The following CLEC19A variants were observed in gnomAD, a reference collection of about 807,000 sequenced individuals.
CLEC19A encodes C-type lectin domain containing 19A, also known as C-type lectin domain family 19 member A.
A neutral mutation model predicts 26.1 loss-of-function variants in CLEC19A; 21 were observed. The ratio of observed to expected loss-of-function variants is 0.80; its 90% CI spans 0.57 to 1.16. The LOEUF is 1.16. Ranked by LOEUF, CLEC19A falls within the 50% of genes most tolerant of loss-of-function variation. CLEC19A has a pLI of 0.00. For synonymous variants in CLEC19A, 89 were observed against 88.6 expected (o/e 1.00, Z -0.03); for missense variants, 224 against 227.6 (o/e 0.98, Z 0.10).
At chr16:19,292,503 G>A (rs1897612014) in intron 1 of CLEC19A, among the ~76,000 whole-genome samples, 1 of 152,194 alleles carries the variant, frequency 6.6e-6, no homozygotes. Context: ...TTCCCAAGAG[G>A]CTGCCCTCAA....
chr16:19,292,006 G>A (rs1448066964), intron 1 of CLEC19A, among the ~76,000 whole-genome samples: 1 of 152,228 alleles, frequency 6.6e-6, no homozygotes, highest in Non-Finnish European at 1.5e-5. Flanking sequence ...TCTGGGAGGA[G>A]CAGACAGGGT....
At chr16:19,285,965 G>T in intron 1 of CLEC19A, 26 bp downstream of exon 1, 2 of 1,545,336 alleles carry the variant, frequency 1.3e-6, no homozygotes, top group Non-Finnish European at 1.8e-6. Flanking sequence ...AGGGCTGGGA[G>T]CAGGTGGAGA....
intron 2 of CLEC19A, among the ~76,000 whole-genome samples, chr16:19,301,910 T>C (rs1181365280): frequency 6.6e-6 from 1 of 151,870 alleles, no homozygotes; most frequent in Non-Finnish European, 1.5e-5. Flanking sequence ...TCTTTTAAAC[T>C]TGTGAGGCAT....
intron 1 of CLEC19A, among the ~76,000 whole-genome samples, chr16:19,293,711 C>T (rs974789136): frequency 6.6e-6 from 1 of 152,102 alleles, no homozygotes; most frequent in South Asian, 2.1e-4. Flanking sequence ...CCACCTTGGC[C>T]TCCCAAAGTG....
intron 1 of CLEC19A, among the ~76,000 whole-genome samples, chr16:19,297,329 T>G (rs1343950420): frequency 2.6e-5 from 4 of 152,166 alleles, no homozygotes; most frequent in Non-Finnish European, 2.9e-5. Flanking sequence ...ATACCCTTTT[T>G]TTGCTTATAA....
rs773105952 is a variant in CLEC19A, at chr16:19,307,535, A to G, written c.349-10A>G. On this transcript the variant is annotated splice_polypyrimidine_tract_variant and intron_variant, in intron 3 of 4. Transcript: ENST00000636231. ...TTGCTTCTTTGTCTCTTTGGGTGGA[A>G]CCCTCCCAGGAAGGGCAGTTTGAAT... The G allele has an allele frequency of 2.6e-6, 4 of 1,547,186 alleles. No homozygotes were observed. The highest frequency in any genetic ancestry group is 2.7e-5 in the African/African-American group (2 of 72,814).
At chr16:19,295,893 G>C (rs1037683743) in intron 1 of CLEC19A, among the ~76,000 whole-genome samples, 2 of 152,170 alleles carry the variant, frequency 1.3e-5, no homozygotes, top group African/African-American at 4.8e-5. Flanking sequence ...GCGTTACAAA[G>C]GGTCCATCAA....
chr16:19,306,276 G>C (rs550371000), intron 3 of CLEC19A, among the ~76,000 whole-genome samples: 1 of 151,846 alleles, frequency 6.6e-6, no homozygotes, highest in South Asian at 2.1e-4. Context: ...CTCCATAGTA[G>C]CTAGTACTAT....
At chr16:19,287,650 A>G (rs1897501157) in intron 1 of CLEC19A, among the ~76,000 whole-genome samples, 1 of 152,160 alleles carries the variant, frequency 6.6e-6, no homozygotes, top group African/African-American at 2.4e-5. Flanking sequence ...GCCAAGACTG[A>G]GTTTGAAAGC....
At chr16:19,308,424 A>T (rs1186371279) in intron 4 of CLEC19A, among the ~76,000 whole-genome samples, 1 of 152,214 alleles carries the variant, frequency 6.6e-6, no homozygotes, top group African/African-American at 2.4e-5. Context: ...TAATGTGAAT[A>T]AAAAAAGAAG....
intron 4 of CLEC19A, 107 bp downstream of exon 4, chr16:19,307,784 A>G: frequency 6.9e-7 from 1 of 1,439,966 alleles, no homozygotes; most frequent in Non-Finnish European, 9.3e-7. Context: ...ATGGCCTGAG[A>G]CTGGCAAATT....
At chr16:19,286,859 A>C (rs1287458825) in intron 1 of CLEC19A, among the ~76,000 whole-genome samples, 1 of 152,128 alleles carries the variant, frequency 6.6e-6, no homozygotes, top group East Asian at 1.9e-4. Flanking sequence ...TGTTAGAGTG[A>C]CTTTAAACAG....
intron 1 of CLEC19A, among the ~76,000 whole-genome samples, chr16:19,287,950 A>T (rs1265326500): frequency 6.6e-6 from 1 of 152,220 alleles, no homozygotes; most frequent in Non-Finnish European, 1.5e-5. Context: ...CATTGAAAGG[A>T]ACTTCTGAAC....
intron 1 of CLEC19A, among the ~76,000 whole-genome samples, chr16:19,291,739 G>A (rs930150741): frequency 3.3e-5 from 5 of 152,212 alleles, no homozygotes; most frequent in Non-Finnish European, 7.3e-5. Context: ...GGAGGAGGGG[G>A]AAATGCCGTG....
chr16:19,294,322 G>T (rs1370370232), intron 1 of CLEC19A, among the ~76,000 whole-genome samples: 2 of 152,158 alleles, frequency 1.3e-5, no homozygotes, highest in Non-Finnish European at 2.9e-5. Context: ...GTGAGGGGGG[G>T]TGCCCAGGGG....
At chr16:19,295,612 C>G (rs179208) in intron 1 of CLEC19A, among the ~76,000 whole-genome samples, 148,733 of 152,250 alleles carry the variant, frequency 0.98, 72,654 homozygotes, top group East Asian at 1. Flanking sequence ...TTTTAGGACA[C>G]GTGGGAGTGA....
intron 1 of CLEC19A, among the ~76,000 whole-genome samples, chr16:19,296,493 A>G (rs1897707856): frequency 6.6e-6 from 1 of 152,312 alleles, no homozygotes; most frequent in South Asian, 2.1e-4. Flanking sequence ...ATTTGGCCCA[A>G]TCAGTTGACC....
chr16:19,296,990 C>A (rs1408619559), intron 1 of CLEC19A, among the ~76,000 whole-genome samples: 1 of 152,150 alleles, frequency 6.6e-6, no homozygotes, highest in Non-Finnish European at 1.5e-5. Flanking sequence ...TCCACCCCTG[C>A]CCACTGGCTG....
rs562080384 is a variant in CLEC19A, at chr16:19,287,992, G to T, written c.88+2053G>T. Among the ~76,000 whole-genome samples the T allele has an allele frequency of 2.7e-4, 41 of 152,272 alleles. 2 individuals are homozygous for T. In the South Asian group the frequency reaches 8.5e-3, roughly 32 times the overall value. ...CCCCAAGCCTCATCCCTACTCTATAGATAAGGGGACTGAGATTGTGTCAAT... is the reference window on the plus strand; with the variant it reads ...CCCCAAGCCTCATCCCTACTCTATATATAAGGGGACTGAGATTGTGTCAAT... On this transcript the variant is annotated intron_variant, in intron 1 of 4. Transcript: ENST00000636231.
Sources: allele counts gnomAD v4.1 joint callset (sites outside exome capture counted in the v4.1 genomes callset), GRCh38; gene constraint gnomAD v4.1.1; transcripts MANE v1.5; gene names NCBI Gene and HGNC (gene_info 2026-07-23, HGNC 2026-07-21).